Variants in TMEM181 observed in about 807,000 individuals in gnomAD.
TMEM181 encodes the protein G protein-coupled receptor 178.
In TMEM181, 39 loss-of-function variants were observed where a neutral mutation model predicts 71.9. That is an observed-to-expected ratio of 0.54 (90% CI 0.42 to 0.71). The LOEUF is 0.71. Ranked by LOEUF, TMEM181 falls within the 30% of genes least tolerant of loss-of-function variation. The probability of loss-of-function intolerance (pLI) is 0.00; values close to 1 mark genes in which losing one functional copy is unlikely to be tolerated. For missense variants in TMEM181, 595 were observed against 583.0 expected (o/e 1.02, Z -0.21); for synonymous variants, 245 against 228.8 (o/e 1.07, Z -0.64).
intron 10 of TMEM181, among the ~76,000 whole-genome samples, chr6:158,613,875 A>G (rs1189937215): frequency 6.6e-6 from 1 of 152,242 alleles, no homozygotes; most frequent in African/African-American, 2.4e-5. Context: ...TTAGTTTAAG[A>G]CAAGTTTCCT....
chr6:158,602,968 C>T (rs1784748831), intron 6 of TMEM181, among the ~76,000 whole-genome samples: 1 of 152,140 alleles, frequency 6.6e-6, no homozygotes, highest in Admixed American at 6.5e-5. Context: ...TATCTTTGTC[C>T]TTATCTTCGT....
At chr6:158,613,522 G>T (rs1785445839) in intron 10 of TMEM181, among the ~76,000 whole-genome samples, 1 of 106,826 alleles carries the variant, frequency 9.4e-6, no homozygotes, top group Non-Finnish European at 1.9e-5. Context: ...GATAACTTGG[G>T]GTTCCTGGCC....
intron 2 of TMEM181, among the ~76,000 whole-genome samples, chr6:158,577,967 G>T (rs1175958695): frequency 2.6e-5 from 4 of 152,154 alleles, no homozygotes; most frequent in African/African-American, 9.7e-5. Context: ...GCACATGCCT[G>T]TAATCCTAGC....
intron 8 of TMEM181, 31 bp from the exon 9 acceptor site, chr6:158,608,302 T>G: frequency 6.2e-7 from 1 of 1,613,764 alleles, no homozygotes; most frequent in Non-Finnish European, 8.5e-7. Context: ...GGGCCTGTTT[T>G]CCACATGGAT....
intron 6 of TMEM181, 121 bp downstream of exon 6, chr6:158,589,903 A>G: frequency 1.4e-6 from 1 of 708,736 alleles, no homozygotes; most frequent in Non-Finnish European, 2.3e-6. Context: ...GAGGACTTGT[A>G]AAGTTTTTAA....
chr6:158,616,410 T>C (rs1212708890), intron 10 of TMEM181, among the ~76,000 whole-genome samples: 3 of 152,226 alleles, frequency 2.0e-5, no homozygotes, highest in African/African-American at 2.4e-5. Flanking sequence ...TTTCTAGATA[T>C]ACAATCATGT....
At chr6:158,569,089 C>G (rs139470555) in intron 1 of TMEM181, among the ~76,000 whole-genome samples, 1,778 of 152,338 alleles carry the variant, frequency 0.012, 31 homozygotes, top group African/African-American at 0.039. Context: ...GATCCTCCCC[C>G]CTCAGCCTCC....
chr6:158,631,081 C>T (rs1292389851), intron 15 of TMEM181, among the ~76,000 whole-genome samples: 5 of 152,240 alleles, frequency 3.3e-5, no homozygotes, highest in Non-Finnish European at 7.3e-5. Context: ...AGCCTGCCTG[C>T]TCCTTCCCAC....
At chr6:158,549,232 C>A (rs1347908334) in intron 1 of TMEM181, among the ~76,000 whole-genome samples, 1 of 151,510 alleles carries the variant, frequency 6.6e-6, no homozygotes, top group Non-Finnish European at 1.5e-5. Flanking sequence ...ATTCTTCTGC[C>A]TCAGCCTCCT....
At chr6:158,543,179 A>C (rs1308966534) in intron 1 of TMEM181, among the ~76,000 whole-genome samples, 1 of 151,982 alleles carries the variant, frequency 6.6e-6, no homozygotes, top group Admixed American at 6.6e-5. Context: ...CTGGCCTCAG[A>C]GTATGTTTAT....
intron 1 of TMEM181, among the ~76,000 whole-genome samples, chr6:158,566,815 C>T (rs1582952410): frequency 6.6e-6 from 1 of 151,870 alleles, no homozygotes; most frequent in South Asian, 2.1e-4. Flanking sequence ...GCTCCTGTCT[C>T]ATTTGGATTA....
intron 10 of TMEM181, among the ~76,000 whole-genome samples, chr6:158,622,623 G>A (rs927438672): frequency 1.3e-5 from 2 of 152,216 alleles, no homozygotes; most frequent in African/African-American, 2.4e-5. Context: ...CCCATTTAAC[G>A]TTTTCTGACT....
intron 6 of TMEM181, among the ~76,000 whole-genome samples, chr6:158,604,743 C>T (rs1784852689): frequency 6.6e-6 from 1 of 152,170 alleles, no homozygotes. Context: ...GAAAGTATGA[C>T]TATTTCTAAT....
rs1021891612 is a variant in TMEM181, at chr6:158,633,198, C to T, written c.*1310C>T. ...AATGTTTTAAATGGTTCATGGAAAA[C>T]GTATTTGGGTAGAAGGCAACTCGTG... On this transcript the variant is annotated 3_prime_UTR_variant, in exon 17 of 17. Transcript: ENST00000684151. 1 of 152,070 alleles carries T rather than the reference C, an allele frequency of 6.6e-6. No individual in the cohort carries two copies. Among genetic ancestry groups the T allele is most frequent in the Non-Finnish European group, 1.5e-5 (1 of 68,010 alleles). The allele number at this position is 152,070 out of a possible 1,614,324, so 9.4% of individuals were successfully genotyped here.
chr6:158,616,027 C>T (rs577244494), intron 10 of TMEM181, among the ~76,000 whole-genome samples: 1 of 152,090 alleles, frequency 6.6e-6, no homozygotes, highest in Non-Finnish European at 1.5e-5. Context: ...GAAGAAAGTC[C>T]TTGGTAGCTT....
chr6:158,583,830 TTC>T, intron 3 of TMEM181, 122 bp from the exon 4 acceptor site: 1 of 629,370 alleles, frequency 1.6e-6, no homozygotes, highest in Non-Finnish European at 2.6e-6. Flanking sequence ...CCTCACATAT[TTC>T]TGTTTCAAAG....
In TMEM181 at chr6:158,549,987, C is replaced by A. The variant is rs376729797; in HGVS notation, c.131+13122C>A. 3.5e-5 allele frequency among the ~76,000 whole-genome samples: 5 copies of A among 142,410 alleles called. No homozygotes were observed. The South Asian group carries it at 8.9e-4, about 25-fold the overall frequency. 93.4% of individuals were successfully genotyped at this position (142,410 alleles called of 152,430 possible). On this transcript the variant is annotated intron_variant, in intron 1 of 16. Transcript: ENST00000367090. ...TTTTTTTTTTTAACACAAGTGACTC[C>A]ACTTTGATTCTGATAATTTTCCCAT... is the stretch of plus-strand genomic sequence containing the variant.
intron 5 of TMEM181, among the ~76,000 whole-genome samples, chr6:158,587,956 T>G (rs1783874310): frequency 6.6e-6 from 1 of 152,222 alleles, no homozygotes; most frequent in African/African-American, 2.4e-5. Context: ...TCCCTTCCTG[T>G]ATAGTCCTTA....
rs548367758 is a variant in TMEM181, at chr6:158,620,009, G to A, written c.897-3541G>A. 3.5e-3 allele frequency among the ~76,000 whole-genome samples: 534 copies of A among 152,250 alleles called. 2 individuals carry two copies. The highest frequency in any genetic ancestry group is 4.6e-3 in the Non-Finnish European group (315 of 68,024). On this transcript the variant is annotated intron_variant, in intron 10 of 16. Coordinates refer to ENST00000684151, the MANE Select transcript of TMEM181 (RefSeq NM_001376852.1). This position sits in a 1 kb window ranked among gnomAD's most constrained non-coding sequence, Gnocchi z 4.5. Reference sequence around the variant, plus strand: ...AAATTGTCAAGGTCCCTGAGAATCTGAAAGTTAAAGGGTGCTGTTCTCAGG... The same window carrying A: ...AAATTGTCAAGGTCCCTGAGAATCTAAAAGTTAAAGGGTGCTGTTCTCAGG...
Sources: allele counts gnomAD v4.1 joint callset (sites outside exome capture counted in the v4.1 genomes callset), GRCh38; gene constraint gnomAD v4.1.1; non-coding constraint Gnocchi (gnomAD v3.1); transcripts MANE v1.5; gene names NCBI Gene and HGNC (gene_info 2026-07-23, HGNC 2026-07-21).